The following FER1L6 variants were observed in gnomAD, a reference collection of about 807,000 sequenced individuals.
The protein encoded by FER1L6 is fer-1 like family member 6.
FER1L6 carries 177 observed loss-of-function variants against 219.2 expected under a neutral mutation model. That is an observed-to-expected ratio of 0.81 (90% CI 0.71 to 0.91). FER1L6 has a LOEUF of 0.91. Among genes scored for constraint, FER1L6 ranks in the 40% least tolerant of loss-of-function variants. FER1L6 has a pLI of 0.00. For synonymous variants in FER1L6, 768 were observed against 824.3 expected (o/e 0.93, Z 1.17); for missense variants, 2,153 against 2,259.9 (o/e 0.95, Z 0.96).
At chr8:124,061,472 C>T (rs1047961328) in intron 24 of FER1L6, among the ~76,000 whole-genome samples, 2 of 152,142 alleles carry the variant, frequency 1.3e-5, no homozygotes. Context: ...TGTCCCTTCA[C>T]TCTCAGCTCT....
chr8:123,914,429 C>T (rs1481609749), intron 1 of FER1L6, among the ~76,000 whole-genome samples: 1 of 152,220 alleles, frequency 6.6e-6, no homozygotes, highest in African/African-American at 2.4e-5. Context: ...GATTGATCCA[C>T]TCTTTGTGGG....
chr8:124,065,843 C>G (rs1296124004), intron 26 of FER1L6, among the ~76,000 whole-genome samples: 2 of 152,190 alleles, frequency 1.3e-5, no homozygotes, highest in Non-Finnish European at 2.9e-5. Flanking sequence ...ATGAATGCCA[C>G]CTTTCTGCCA....
At chr8:124,002,001 G>A (rs989463270) in intron 12 of FER1L6, among the ~76,000 whole-genome samples, 1 of 152,176 alleles carries the variant, frequency 6.6e-6, no homozygotes, top group Non-Finnish European at 1.5e-5. Flanking sequence ...CATAGGGCAG[G>A]TCTCTGAGGT....
chr8:124,023,707 G>GT (rs1818571450), intron 18 of FER1L6, 111 bp downstream of exon 18: 1 of 1,156,420 alleles, frequency 8.6e-7, no homozygotes, highest in East Asian at 2.6e-5. Context: ...GCTTTCAAAG[G>GT]TAGGAGGACA....
chr8:124,069,260 A>G (rs908203275), intron 28 of FER1L6, 100 bp from the exon 29 acceptor site: 1 of 894,408 alleles, frequency 1.1e-6, no homozygotes, highest in Non-Finnish European at 1.8e-6. Flanking sequence ...CTGAAGGGTC[A>G]CAACATAGGA....
At chr8:123,994,404 A>C (rs978721878) in intron 12 of FER1L6, among the ~76,000 whole-genome samples, 1 of 152,156 alleles carries the variant, frequency 6.6e-6, no homozygotes, top group African/African-American at 2.4e-5. Context: ...TTCAAGAAAG[A>C]GCACAGCTGC....
intron 1 of FER1L6, among the ~76,000 whole-genome samples, chr8:123,941,890 G>A (rs1814257114): frequency 6.6e-6 from 1 of 152,076 alleles, no homozygotes; most frequent in South Asian, 2.1e-4. Flanking sequence ...ATGATCAGCT[G>A]TGTACCCTCG....
At chr8:123,992,140 G>A (rs1437211149) in intron 12 of FER1L6, among the ~76,000 whole-genome samples, 1 of 152,020 alleles carries the variant, frequency 6.6e-6, no homozygotes, top group African/African-American at 2.4e-5. Flanking sequence ...TGTTTATCAG[G>A]GATATTGTTC....
At chr8:123,901,068 A>C (rs1812847288) in intron 1 of FER1L6, among the ~76,000 whole-genome samples, 1 of 152,180 alleles carries the variant, frequency 6.6e-6, no homozygotes, top group African/African-American at 2.4e-5. Flanking sequence ...AATAGTGTCA[A>C]AAGGGTTAGA....
At chr8:123,856,316 G>GTATATATATATATATATATATATATA (rs1554608009) in intron 1 of FER1L6, among the ~76,000 whole-genome samples, 1 of 45,112 alleles carries the variant, frequency 2.2e-5, no homozygotes, top group African/African-American at 8.7e-5. Context: ...ATATGTATGT[G>GTATATATATATATATATATATATATA]TATATATATA....
At chr8:123,876,169 G>A (rs1381076244) in intron 1 of FER1L6, among the ~76,000 whole-genome samples, 1 of 152,054 alleles carries the variant, frequency 6.6e-6, no homozygotes, top group Non-Finnish European at 1.5e-5. Flanking sequence ...CTACATCCCA[G>A]TCCCACTTAC....
At chr8:123,864,676 A>G (rs1291750570) in intron 1 of FER1L6, among the ~76,000 whole-genome samples, 2 of 148,572 alleles carry the variant, frequency 1.3e-5, no homozygotes, top group East Asian at 1.9e-4. Context: ...GGCTTTGCTC[A>G]TTTCTTTTTA....
chr8:123,917,006 T>C (rs1813210265), intron 1 of FER1L6, among the ~76,000 whole-genome samples: 2 of 152,200 alleles, frequency 1.3e-5, no homozygotes, highest in African/African-American at 4.8e-5. Context: ...ACATTTTGGA[T>C]AAAAGAGAGC....
intron 1 of FER1L6, among the ~76,000 whole-genome samples, chr8:123,937,457 G>T (rs1172808470): frequency 6.6e-6 from 1 of 152,174 alleles, no homozygotes; most frequent in East Asian, 1.9e-4. Context: ...AGAATGGCCT[G>T]ATCCCTGAGA....
intron 1 of FER1L6, among the ~76,000 whole-genome samples, chr8:123,855,804 G>A (rs931042683): frequency 6.9e-6 from 1 of 144,070 alleles, no homozygotes; most frequent in Non-Finnish European, 1.5e-5. Flanking sequence ...ATATATATAT[G>A]TGTATATATA....
intron 1 of FER1L6, among the ~76,000 whole-genome samples, chr8:123,939,427 G>A (rs935966312): frequency 3.5e-4 from 53 of 152,168 alleles, no homozygotes; most frequent in African/African-American, 1.2e-3. Context: ...CCAAAAAGCA[G>A]GTTCCAAGAT....
At chr8:124,077,576 C>A (rs1586675181) in intron 32 of FER1L6, among the ~76,000 whole-genome samples, 1 of 152,304 alleles carries the variant, frequency 6.6e-6, no homozygotes, top group South Asian at 2.1e-4. Flanking sequence ...CAGTGATGAC[C>A]TTTATCGTCA....
intron 39 of FER1L6, among the ~76,000 whole-genome samples, chr8:124,103,633 G>GT (rs1394424276): frequency 1.3e-5 from 2 of 152,136 alleles, no homozygotes; most frequent in Admixed American, 1.3e-4. Flanking sequence ...ATCCTCAAAT[G>GT]TAAGACATGA....
At chr8:124,009,323 T>C (rs1378483188) in intron 13 of FER1L6, among the ~76,000 whole-genome samples, 2 of 152,212 alleles carry the variant, frequency 1.3e-5, no homozygotes, top group African/African-American at 4.8e-5. Context: ...TCCTCTGCAG[T>C]TTTCCTGACT....
Sources: gnomAD v4.1 joint callset for allele counts (sites outside exome capture counted in the v4.1 genomes callset) on GRCh38, gnomAD v4.1.1 for gene constraint, MANE v1.5 for transcripts, NCBI Gene and HGNC (gene_info 2026-07-23, HGNC 2026-07-21) for gene names.